XKR6: variants seen among roughly 807,000 people sequenced by gnomAD.
XKR6 encodes the protein XK related 6.
A neutral mutation model predicts 56.7 loss-of-function variants in XKR6; 22 were observed. That is an observed-to-expected ratio of 0.39 (90% confidence interval 0.28 to 0.55). The LOEUF (loss-of-function observed/expected upper bound fraction) is 0.55, where lower values mean the gene tolerates loss of function less well. Among genes scored for constraint, XKR6 ranks in the 20% least tolerant of loss-of-function variants. The probability of loss-of-function intolerance (pLI) is 0.66; values close to 1 mark genes in which losing one functional copy is unlikely to be tolerated. For synonymous variants in XKR6, 524 were observed against 387.8 expected, an observed-to-expected ratio of 1.35 and a Z score of -4.13; for missense variants, 852 against 889.0, an observed-to-expected ratio of 0.96 and a Z score of 0.53.
At position 11,056,294 on chromosome 8, in the gene XKR6, T is replaced by C. The variant is rs79368240; in HGVS notation, c.765-131464A>G. On this transcript the variant is annotated intron_variant, in intron 1 of 2. Transcript: ENST00000416569. ...TTTACTGGGAAGCTCTTTATTTACATTGCTGTAATTTACATTTCCCACAAG... is the reference window on the plus strand; with the variant it reads ...TTTACTGGGAAGCTCTTTATTTACACTGCTGTAATTTACATTTCCCACAAG... 4.6e-5 allele frequency among the ~76,000 whole-genome samples: 7 copies of C among 152,358 alleles called. No individual in the cohort carries two copies. In the East Asian group the frequency reaches 7.7e-4, roughly 17 times the overall value.
intron 1 of XKR6, among the ~76,000 whole-genome samples, chr8:11,159,484 C>G (rs116375102): frequency 2.0e-5 from 3 of 152,364 alleles, no homozygotes; most frequent in African/African-American, 7.2e-5. Flanking sequence ...CTAACAGACG[C>G]TGCTTCTGTA....
intron 1 of XKR6, among the ~76,000 whole-genome samples, chr8:10,989,945 T>C (rs1426643523): frequency 6.6e-6 from 1 of 152,214 alleles, no homozygotes; most frequent in Admixed American, 6.5e-5. Context: ...ACGAAGTGTG[T>C]CATGCTTCAT....
chr8:11,190,156 AAAAAAAAAGAAAG>A (rs1803481802), intron 1 of XKR6, among the ~76,000 whole-genome samples: 1 of 149,522 alleles, frequency 6.7e-6, no homozygotes, highest in African/African-American at 2.5e-5. Context: ...AAACTGTCCC[AAAAAAAAAGAAAG>A]AAAGAAAAGA....
intron 1 of XKR6, among the ~76,000 whole-genome samples, chr8:10,966,091 A>G (rs1212206424): frequency 2.0e-5 from 3 of 151,952 alleles, no homozygotes; most frequent in Non-Finnish European, 2.9e-5. Flanking sequence ...GAGGATTGCT[A>G]AAACACAGCA....
intron 1 of XKR6, among the ~76,000 whole-genome samples, chr8:11,188,721 T>G (rs762253606): frequency 6.6e-6 from 1 of 152,132 alleles, no homozygotes; most frequent in African/African-American, 2.4e-5. Flanking sequence ...AATGACAGAT[T>G]TGGAGTTCTG....
intron 1 of XKR6, among the ~76,000 whole-genome samples, chr8:11,155,641 A>T (rs558717238): frequency 6.6e-6 from 1 of 152,326 alleles, no homozygotes; most frequent in Non-Finnish European, 1.5e-5. Context: ...ATCTCAGCAC[A>T]CAGAGTGTAA....
At chr8:11,195,751 C>T (rs913802678) in intron 1 of XKR6, among the ~76,000 whole-genome samples, 5 of 151,644 alleles carry the variant, frequency 3.3e-5, no homozygotes, top group African/African-American at 1.2e-4. Flanking sequence ...CGGGTTGACG[C>T]CATTCTCCTG....
rs116514343 is a variant in XKR6, at chr8:11,181,641, A to G, written c.764+18935T>C. Among the ~76,000 whole-genome samples the G allele has an allele frequency of 3.3e-3, 496 of 152,354 alleles. 4 individuals are homozygous for G. Among genetic ancestry groups the G allele is most frequent in the Middle Eastern group, 0.014 (4 of 294 alleles). ...AGGAATAGATAAGGTATATAAAGGA[A>G]GAAAATTTGGTGAGGAAGAACCTCA... On this transcript the variant is annotated intron_variant, in intron 1 of 2. Transcript: ENST00000416569.
At chr8:11,045,976 G>A (rs552636623) in intron 1 of XKR6, among the ~76,000 whole-genome samples, 61 of 152,328 alleles carry the variant, frequency 4.0e-4, no homozygotes, top group African/African-American at 1.1e-3. Context: ...ACCCTTGTGC[G>A]CTGTTGTTGA....
At chr8:11,069,019 G>A (rs1001403924) in intron 1 of XKR6, among the ~76,000 whole-genome samples, 3 of 151,784 alleles carry the variant, frequency 2.0e-5, no homozygotes, top group Non-Finnish European at 2.9e-5. Context: ...TCCTGATTGT[G>A]GCTAACTTAC....
intron 1 of XKR6, among the ~76,000 whole-genome samples, chr8:11,044,983 A>G (rs992239409): frequency 3.3e-5 from 5 of 151,830 alleles, no homozygotes; most frequent in Non-Finnish European, 5.9e-5. Flanking sequence ...CTGAAAGACA[A>G]CATCTTTCTA....
intron 2 of XKR6, among the ~76,000 whole-genome samples, chr8:10,923,055 G>T (rs2129116596): frequency 6.6e-6 from 1 of 152,366 alleles, no homozygotes; most frequent in Admixed American, 6.5e-5. Flanking sequence ...CCCAAGGGCA[G>T]ATGTTGGCTG....
intron 1 of XKR6, among the ~76,000 whole-genome samples, chr8:11,021,823 G>A (rs1454383927): frequency 1.3e-5 from 2 of 152,078 alleles, no homozygotes; most frequent in African/African-American, 4.8e-5. Context: ...CTGCCCTCAA[G>A]GAACTTTAGG....
chr8:10,984,732 C>CTCTCTCTCTCTATATATA, intron 1 of XKR6, among the ~76,000 whole-genome samples: 33 of 47,482 alleles, frequency 6.9e-4, no homozygotes, highest in Middle Eastern at 0.016. Context: ...CTCTCTCTCT[C>CTCTCTCTCTCTATATATA]TATATATATA....
intron 1 of XKR6, among the ~76,000 whole-genome samples, chr8:11,155,784 G>C (rs909530544): frequency 2.6e-5 from 4 of 152,150 alleles, no homozygotes; most frequent in Admixed American, 2.0e-4. Flanking sequence ...TTCCACTGCA[G>C]TCAAAGTGAT....
intron 1 of XKR6, chr8:11,123,706 A>G (rs1799594995): frequency 8.2e-6 from 3 of 367,796 alleles, no homozygotes; most frequent in South Asian, 4.1e-5. Flanking sequence ...ATTTTTCAAG[A>G]GGCTGAATCT....
intron 1 of XKR6, among the ~76,000 whole-genome samples, chr8:10,993,251 G>T (rs147474381): frequency 6.6e-6 from 1 of 152,242 alleles, no homozygotes; most frequent in African/African-American, 2.4e-5. Flanking sequence ...CACATTGAAT[G>T]CCTCTTACCA....
intron 1 of XKR6, among the ~76,000 whole-genome samples, chr8:11,052,463 C>T (rs6601553): frequency 1.3e-5 from 2 of 152,196 alleles, no homozygotes; most frequent in African/African-American, 4.8e-5. Context: ...TGGAATCTCC[C>T]GGACCGACAC....
chr8:10,982,671 C>CA (rs1245074258), intron 1 of XKR6, among the ~76,000 whole-genome samples: 1 of 152,202 alleles, frequency 6.6e-6, no homozygotes, highest in Non-Finnish European at 1.5e-5. Context: ...GATGTGGGTG[C>CA]AAGTCTACAA....
Sources: allele counts gnomAD v4.1 joint callset (sites outside exome capture counted in the v4.1 genomes callset), GRCh38; gene constraint gnomAD v4.1.1; transcripts MANE v1.5; gene names NCBI Gene and HGNC (gene_info 2026-07-23, HGNC 2026-07-21).